Variants in ZNF566 observed in about 807,000 individuals in gnomAD.
The protein encoded by ZNF566 is zinc finger protein 566.
Under a neutral mutation model 32.8 loss-of-function variants are expected in ZNF566, and 27 were observed. The observed-to-expected ratio is 0.82, with a 90% confidence interval of 0.61 to 1.14. The LOEUF (loss-of-function observed/expected upper bound fraction) is 1.14, where lower values mean the gene tolerates loss of function less well. Among genes scored for constraint, ZNF566 ranks in the 50% most tolerant of loss-of-function variants. The probability of loss-of-function intolerance (pLI) is 0.00; values close to 1 mark genes in which losing one functional copy is unlikely to be tolerated. For synonymous variants in ZNF566, 154 were observed against 159.5 expected (o/e 0.97, Z 0.26); for missense variants, 402 against 490.4 (o/e 0.82, Z 1.70).
chr19:36,481,327 T>C (rs2912423), intron 1 of ZNF566, among the ~76,000 whole-genome samples: 37,347 of 150,358 alleles, frequency 0.25, 4,658 homozygotes, highest in South Asian at 0.37. Context: ...AAAAATTAGC[T>C]GGGCGTGGCG....
At chr19:36,468,097 A>G (rs1001060139) in intron 4 of ZNF566, among the ~76,000 whole-genome samples, 1 of 150,916 alleles carries the variant, frequency 6.6e-6, no homozygotes, top group Non-Finnish European at 1.5e-5. Context: ...AGGCAGAAGA[A>G]TCACTTGAAC....
intron 1 of ZNF566, among the ~76,000 whole-genome samples, chr19:36,481,450 A>C (rs1286899105): frequency 1.4e-5 from 2 of 148,048 alleles, no homozygotes; most frequent in Non-Finnish European, 3.0e-5. Flanking sequence ...CAGCCCCGGC[A>C]ACAGAGCAAG....
Position 36,449,185 on chromosome 19 carries a change from G to C in ZNF566, c.1049C>G (p.Ser350Cys). The change falls in exon 5 of 5, where the codon TCT becomes TGT. Residue 350 changes from serine to cysteine, a missense_variant. Around this residue, in one of 3 missense-constraint regions of ZNF566, gnomAD observed 135 missense variants for 210.0 expected, o/e 0.64. Coordinates refer to ENST00000452939, the MANE Select transcript of ZNF566 (RefSeq NM_001145344.1). The stretch of plus-strand genomic sequence containing the variant: ...CTGATGTCTAGTAAGGTCTGAGCCA[G>C]AACGAAAAGCCTTTTCACATTCCTT... ...ECKECEKAFR[S>C]GSDLTRHQRI... 2 of 1,613,260 alleles carry C rather than the reference G, an allele frequency of 1.2e-6. No homozygotes were observed.
chr19:36,458,569 T>TTATATATTATATTATTAA (rs1359422675), intron 4 of ZNF566, among the ~76,000 whole-genome samples: 47 of 152,292 alleles, frequency 3.1e-4, no homozygotes, highest in Admixed American at 2.0e-3. Context: ...TTTCTGGAGA[T>TTATATATTATATTATTAA]CTAATATACA....
At chr19:36,453,878 C>T (rs760366721) in intron 4 of ZNF566, among the ~76,000 whole-genome samples, 26 of 152,068 alleles carry the variant, frequency 1.7e-4, no homozygotes, top group Non-Finnish European at 3.7e-4. Flanking sequence ...GGCTGGAGTG[C>T]GGTGGCACAA....
At chr19:36,484,736 C>G (rs2034115899) in intron 1 of ZNF566, among the ~76,000 whole-genome samples, 1 of 151,812 alleles carries the variant, frequency 6.6e-6, no homozygotes, top group Admixed American at 6.6e-5. Context: ...ACTACAGGTG[C>G]CCACCACCAT....
chr19:36,475,776 A>G (rs1477721529), intron 2 of ZNF566, among the ~76,000 whole-genome samples: 1 of 152,122 alleles, frequency 6.6e-6, no homozygotes, highest in Non-Finnish European at 1.5e-5. Context: ...TTTTCCTGAC[A>G]GGGGACCCTG....
At chr19:36,484,007 G>A (rs1170510502) in intron 1 of ZNF566, among the ~76,000 whole-genome samples, 1 of 152,094 alleles carries the variant, frequency 6.6e-6, no homozygotes, top group Non-Finnish European at 1.5e-5. Context: ...TGAGTAGCTG[G>A]GATTACAGGT....
chr19:36,478,126 T>C (rs577645478), intron 1 of ZNF566, among the ~76,000 whole-genome samples: 5 of 152,242 alleles, frequency 3.3e-5, no homozygotes, highest in Admixed American at 2.0e-4. Flanking sequence ...ATCAATTATC[T>C]AATGGCTTCC....
intron 4 of ZNF566, among the ~76,000 whole-genome samples, chr19:36,458,073 A>T (rs1317259371): frequency 2.6e-5 from 4 of 152,206 alleles, no homozygotes; most frequent in Admixed American, 6.5e-5. Context: ...AAACTACCCT[A>T]TAACTCAGCA....
chr19:36,454,317 G>GA (rs2033245297), intron 4 of ZNF566, among the ~76,000 whole-genome samples: 2 of 151,750 alleles, frequency 1.3e-5, no homozygotes. Context: ...AAGACAAAGA[G>GA]AAAGACATCA....
chr19:36,456,273 C>T (rs1433929175), intron 4 of ZNF566, among the ~76,000 whole-genome samples: 1 of 151,072 alleles, frequency 6.6e-6, no homozygotes, highest in East Asian at 1.9e-4. Context: ...TGGTGGCTCA[C>T]GCCTGTAATC....
chr19:36,477,620 G>C (rs1600172553), intron 1 of ZNF566, among the ~76,000 whole-genome samples: 1 of 145,192 alleles, frequency 6.9e-6, no homozygotes, highest in East Asian at 2.0e-4. Context: ...CTCACTGCAA[G>C]CTCCGCCTCC....
chr19:36,456,231 C>G (rs966773370), intron 4 of ZNF566, among the ~76,000 whole-genome samples: 1 of 151,078 alleles, frequency 6.6e-6, no homozygotes, highest in African/African-American at 2.4e-5. Flanking sequence ...AACTATAAAA[C>G]ACTGATGAAA....
Position 36,449,299 on chromosome 19 carries a change from T to C in ZNF566, c.935A>G (p.Glu312Gly). ...QRIHTGEKPY[E>G]CKECGNAFSQ... ...AAAGGCATTGCCACATTCCTTACATTCATAGGGTTTTTCCCCAGTATGAAT... is the reference window on the plus strand; with the variant it reads ...AAAGGCATTGCCACATTCCTTACATCCATAGGGTTTTTCCCCAGTATGAAT... Residue 312 changes from glutamate to glycine, a missense_variant, in exon 5 of 5, where the codon GAA becomes GGA. Physicochemically the swap from Glu to Gly is moderately conservative, Grantham distance 98. Coordinates refer to ENST00000452939, the MANE Select transcript of ZNF566 (RefSeq NM_001145344.1). The C allele has an allele frequency of 6.2e-7, 1 of 1,614,162 alleles. No homozygotes were observed. Among genetic ancestry groups the C allele is most frequent in the African/African-American group, 1.3e-5 (1 of 75,066 alleles).
chr19:36,453,178 A>G (rs988472947), intron 4 of ZNF566, among the ~76,000 whole-genome samples: 7 of 151,864 alleles, frequency 4.6e-5, no homozygotes, highest in Non-Finnish European at 1.0e-4. Flanking sequence ...AAAGGTACTA[A>G]AAATAAATAA....
intron 4 of ZNF566, among the ~76,000 whole-genome samples, chr19:36,468,991 G>GA (rs1402901019): frequency 1.3e-5 from 2 of 151,544 alleles, no homozygotes; most frequent in Non-Finnish European, 2.9e-5. Flanking sequence ...CATAAAAACT[G>GA]AAAAAATCAA....
rs545986038 is a variant in ZNF566 at position 36,482,177 on chromosome 19, C to T, written c.-59-5561G>A. ...CTGGAGTGCAGTGGCGCGATCTCGG[C>T]TCACTGCAAGCTCCGCCTCCCAGGT... is the stretch of plus-strand genomic sequence containing the variant. On this transcript the variant is annotated intron_variant, in intron 1 of 4. Coordinates refer to ENST00000452939, the MANE Select transcript of ZNF566 (RefSeq NM_001145344.1). Among the ~76,000 whole-genome samples, 96 of 152,302 alleles carry T rather than the reference C, an allele frequency of 6.3e-4. 4 individuals carry two copies. The South Asian group carries it at 0.02, about 31-fold the overall frequency.
chr19:36,488,717 G>A (rs967691510), intron 1 of ZNF566, among the ~76,000 whole-genome samples: 5 of 152,142 alleles, frequency 3.3e-5, no homozygotes, highest in Admixed American at 1.3e-4. Context: ...TGAATTAACC[G>A]CGATTTTATC....
Sources: gnomAD v4.1 joint callset for allele counts (sites outside exome capture counted in the v4.1 genomes callset) on GRCh38, gnomAD v4.1.1 for gene constraint, gnomAD v4.1.1 regional missense constraint, MANE v1.5 for transcripts, NCBI Gene and HGNC (gene_info 2026-07-23, HGNC 2026-07-21) for gene names.